Variants in PLSCR2 observed in about 807,000 individuals in gnomAD.
The protein encoded by PLSCR2 is phospholipid scramblase 2, also known as PL scramblase 2.
In PLSCR2, 18 loss-of-function variants were observed where a neutral mutation model predicts 25.3. That is an observed-to-expected ratio of 0.71 (90% CI 0.49 to 1.06). PLSCR2 has a LOEUF of 1.06. PLSCR2 is among the 50% of genes least tolerant of loss of function. The pLI is 0.00. For missense variants in PLSCR2, 243 were observed against 269.5 expected, an observed-to-expected ratio of 0.90 and a Z score of 0.69; for synonymous variants, 88 against 87.3, an observed-to-expected ratio of 1.01 and a Z score of -0.04.
chr3:146,422,704 T>C (rs2039191724), intron 2 of PLSCR2, among the ~76,000 whole-genome samples: 1 of 152,116 alleles, frequency 6.6e-6, no homozygotes, highest in Admixed American at 6.6e-5. Flanking sequence ...GTCAATGTAC[T>C]TGACATGTTT....
chr3:146,439,484 T>C (rs189162919), downstream of PLSCR2, among the ~76,000 whole-genome samples: 16 of 152,290 alleles, frequency 1.1e-4, no homozygotes, highest in Non-Finnish European at 7.4e-5. Context: ...CTTTTTGCTC[T>C]TTTTCTCTAA....
chr3:146,431,465 G>A (rs2108124175), downstream of PLSCR2, among the ~76,000 whole-genome samples: 1 of 152,282 alleles, frequency 6.6e-6, no homozygotes, highest in Non-Finnish European at 1.5e-5. Context: ...CATGATTAAA[G>A]CAGCAAGTTG....
chr3:146,420,504 T>C (rs997600607), intron 2 of PLSCR2, among the ~76,000 whole-genome samples: 26 of 152,196 alleles, frequency 1.7e-4, no homozygotes, highest in African/African-American at 6.0e-4. Flanking sequence ...TGTTGATTTT[T>C]TTAACACTTG....
intron 2 of PLSCR2, among the ~76,000 whole-genome samples, chr3:146,399,432 T>C (rs1451356747): frequency 6.6e-6 from 1 of 151,848 alleles, no homozygotes; most frequent in Non-Finnish European, 1.5e-5. Context: ...AATATGCTAC[T>C]AATTATGTTA....
At chr3:146,480,692 C>T (rs1457848892) in intron 1 of PLSCR2, among the ~76,000 whole-genome samples, 5 of 152,076 alleles carry the variant, frequency 3.3e-5, no homozygotes, top group Admixed American at 3.3e-4. Flanking sequence ...GAAACTATTC[C>T]AATCAATAGA....
rs143271186 is a variant in PLSCR2, at chr3:146,458,454, C to T, written c.58-1G>A. 2 of 1,454,204 alleles carry T rather than the reference C, an allele frequency of 1.4e-6. No homozygotes were observed. The highest frequency in any genetic ancestry group is 2.5e-5 in the East Asian group (1 of 40,702). 90.1% of individuals were successfully genotyped at this position (1,454,204 alleles called of 1,614,324 possible). ...GCTGATGAATTAGTATCATATCTAT[C>T]TATTATAGTAAAAAGAAAATGAAGT... On this transcript the variant is annotated splice_acceptor_variant, in intron 2 of 6. Coordinates refer to ENST00000610787, the Ensembl canonical transcript of PLSCR2. LOFTEE classifies it high-confidence loss of function.
At chr3:146,491,873 C>A (rs1576757020) in intron 1 of PLSCR2, among the ~76,000 whole-genome samples, 1 of 152,142 alleles carries the variant, frequency 6.6e-6, no homozygotes. Context: ...GAACCAGGAG[C>A]TACTGCAGTT....
intron 1 of PLSCR2, among the ~76,000 whole-genome samples, chr3:146,492,846 T>C (rs1442787580): frequency 1.3e-5 from 2 of 151,662 alleles, no homozygotes; most frequent in Admixed American, 1.3e-4. Context: ...ATACAAAAGA[T>C]TAACTTAGAC....
intron 8 of PLSCR2, among the ~76,000 whole-genome samples, chr3:146,434,144 T>G (rs1426281397): frequency 6.6e-6 from 1 of 152,136 alleles, no homozygotes; most frequent in Non-Finnish European, 1.5e-5. Flanking sequence ...TGCTGAACGT[T>G]ATTAAAAATG....
rs180721509 is a variant in PLSCR2 at position 146,406,587 on chromosome 3, G to A, written c.101-10666C>T. Among the ~76,000 whole-genome samples, 19 of 152,280 alleles carry A rather than the reference G, an allele frequency of 1.2e-4. No homozygotes were observed. In the East Asian group the frequency reaches 3.5e-3, roughly 28 times the overall value. On this transcript the variant is annotated intron_variant and NMD_transcript_variant, in intron 2 of 3. Coordinates refer to the PLSCR2 transcript ENST00000463633. ...TAACAGGCAAAAACAAACAAGTGAG[G>A]TAGATAAAAAGAATTAATCTAATGG...
chr3:146,403,406 C>T (rs1016193733), intron 2 of PLSCR2, among the ~76,000 whole-genome samples: 2 of 152,140 alleles, frequency 1.3e-5, no homozygotes, highest in African/African-American at 2.4e-5. Flanking sequence ...TCTGAATCAA[C>T]AATGGGTCTG....
At chr3:146,483,366 G>C (rs2043198658) in intron 1 of PLSCR2, among the ~76,000 whole-genome samples, 1 of 145,676 alleles carries the variant, frequency 6.9e-6, no homozygotes, top group Non-Finnish European at 1.5e-5. Flanking sequence ...AACCAACATG[G>C]CACATGTATA....
chr3:146,444,395 A>C (rs1345440230), intron 6 of PLSCR2, among the ~76,000 whole-genome samples: 2 of 148,598 alleles, frequency 1.3e-5, no homozygotes, highest in Non-Finnish European at 3.0e-5. Flanking sequence ...ATTGGGGTCT[A>C]TTTCTCCCTT....
At chr3:146,438,182 C>G (rs1161541877), downstream of PLSCR2, among the ~76,000 whole-genome samples, 3 of 152,220 alleles carry the variant, frequency 2.0e-5, no homozygotes, top group East Asian at 1.9e-4. Context: ...CTGAGGAGTG[C>G]TTTACTTCCA....
At chr3:146,402,445 C>G (rs1429139931) in intron 2 of PLSCR2, among the ~76,000 whole-genome samples, 1 of 151,966 alleles carries the variant, frequency 6.6e-6, no homozygotes, top group African/African-American at 2.4e-5. Context: ...ACATGTTAGT[C>G]TAACATACAT....
chr3:146,435,578 A>T (rs1289423279), intron 8 of PLSCR2, among the ~76,000 whole-genome samples: 1 of 152,044 alleles, frequency 6.6e-6, no homozygotes, highest in African/African-American at 2.4e-5. Context: ...TTCTTTTGAG[A>T]AGTGTCTGTT....
chr3:146,430,153 A>G (rs2039497373), downstream of PLSCR2, among the ~76,000 whole-genome samples: 1 of 152,236 alleles, frequency 6.6e-6, no homozygotes, highest in Non-Finnish European at 1.5e-5. Flanking sequence ...AGGGCTGTAG[A>G]GCCACCACTT....
chr3:146,483,350 G>A (rs1265903561), intron 1 of PLSCR2, among the ~76,000 whole-genome samples: 3 of 148,522 alleles, frequency 2.0e-5, no homozygotes, highest in Admixed American at 6.8e-5. Context: ...GTTGATGGGT[G>A]CAGCAAACCA....
chr3:146,403,195 TA>T (rs2038539870), intron 2 of PLSCR2, among the ~76,000 whole-genome samples: 2 of 152,078 alleles, frequency 1.3e-5, no homozygotes, highest in Admixed American at 1.3e-4. Context: ...CTCTACTTTG[TA>T]ATTGTTGTTT....
Sources: allele counts gnomAD v4.1 joint callset (sites outside exome capture counted in the v4.1 genomes callset), GRCh38; gene constraint gnomAD v4.1.1; transcripts MANE v1.5; gene names NCBI Gene and HGNC (gene_info 2026-07-23, HGNC 2026-07-21).